Variants in PLPPR1 observed in about 807,000 individuals in gnomAD.
PLPPR1 encodes the protein phospholipid phosphatase-related protein type 1.
PLPPR1 carries 10 observed loss-of-function variants against 33.1 expected under a neutral mutation model. That is an observed-to-expected ratio of 0.30 (90% CI 0.19 to 0.51). PLPPR1 has a LOEUF of 0.51. Ranked by LOEUF, PLPPR1 falls within the 20% of genes least tolerant of loss-of-function variation. PLPPR1 has a pLI of 0.97. For missense variants in PLPPR1, 304 were observed against 408.1 expected, an observed-to-expected ratio of 0.74 and a Z score of 2.20; for synonymous variants, 151 against 151.0, an observed-to-expected ratio of 1.00 and a Z score of 0.00.
chr9:101,073,433 G>T (rs547527311), intron 1 of PLPPR1, among the ~76,000 whole-genome samples: 1 of 151,872 alleles, frequency 6.6e-6, no homozygotes, highest in Non-Finnish European at 1.5e-5. Flanking sequence ...TTCATTAAAA[G>T]TGAACCATCC....
At chr9:101,089,471 A>G (rs1227252869) in intron 1 of PLPPR1, among the ~76,000 whole-genome samples, 1 of 152,232 alleles carries the variant, frequency 6.6e-6, no homozygotes, top group East Asian at 1.9e-4. Context: ...AGATGAAGAT[A>G]GAAATCGCCC....
chr9:101,267,341 A>C (rs868031908), intron 2 of PLPPR1, among the ~76,000 whole-genome samples: 1 of 152,222 alleles, frequency 6.6e-6, no homozygotes, highest in Non-Finnish European at 1.5e-5. Flanking sequence ...TTCAGGAAAC[A>C]TATTTATCCA....
At chr9:101,318,728 C>T (rs1451299014) in intron 7 of PLPPR1, among the ~76,000 whole-genome samples, 1 of 151,832 alleles carries the variant, frequency 6.6e-6, no homozygotes, top group East Asian at 1.9e-4. Context: ...GTGCTGTGAT[C>T]GCGCCACTGC....
At chr9:101,284,438 GATCT>G (rs1828354556) in intron 3 of PLPPR1, among the ~76,000 whole-genome samples, 6 of 152,086 alleles carry the variant, frequency 3.9e-5, no homozygotes, top group Admixed American at 3.3e-4. Flanking sequence ...AAGTTCAAGA[GATCT>G]ATTACACAAT....
rs577304656 is a variant in PLPPR1, at chr9:101,203,828, T to A, written c.63+18271T>A. The stretch of plus-strand genomic sequence containing the variant: ...AATTTTATGGCATTCAGAATGTGAT[T>A]TGCAAATTTTTTTTCTCTTTTTTCC... On this transcript the variant is annotated intron_variant, in intron 2 of 7. Coordinates refer to ENST00000374874, the MANE Select transcript of PLPPR1 (RefSeq NM_207299.2). 1.3e-4 allele frequency among the ~76,000 whole-genome samples: 20 copies of A among 148,958 alleles called. No homozygotes were observed. The South Asian group carries it at 1.5e-3, about 11-fold the overall frequency.
At chr9:101,049,579 G>A (rs1830194328) in intron 1 of PLPPR1, among the ~76,000 whole-genome samples, 1 of 152,150 alleles carries the variant, frequency 6.6e-6, no homozygotes, top group Non-Finnish European at 1.5e-5. Flanking sequence ...TGAGAAAACT[G>A]AAGCAGACAG....
chr9:101,109,758 T>G (rs1831028205), intron 1 of PLPPR1, among the ~76,000 whole-genome samples: 3 of 152,214 alleles, frequency 2.0e-5, no homozygotes, highest in Admixed American at 2.0e-4. Flanking sequence ...GGTATATTCC[T>G]TTTTTCTTTT....
Position 101,317,616 on chromosome 9 carries a change from T to C in PLPPR1, c.945+120T>C, listed in dbSNP as rs7048636. 558 of 1,025,714 alleles carry C rather than the reference T, an allele frequency of 5.4e-4. 3 individuals are homozygous for C. The African/African-American group carries it at 8.0e-3, about 15-fold the overall frequency. 63.5% of individuals were successfully genotyped at this position (1,025,714 alleles called of 1,614,324 possible). ...CAATGAGAATCTGATTAATTTATTG[T>C]AAAGGCCCTCACAAAAGGCAGCCTT... On this transcript the variant is annotated intron_variant, in intron 7 of 7. Coordinates refer to ENST00000374874, the MANE Select transcript of PLPPR1 (RefSeq NM_207299.2).
At chr9:101,126,986 C>T (rs1831253142) in intron 1 of PLPPR1, among the ~76,000 whole-genome samples, 1 of 152,102 alleles carries the variant, frequency 6.6e-6, no homozygotes, top group South Asian at 2.1e-4. Flanking sequence ...CTCCATAGTC[C>T]CTTGCTCTGG....
chr9:101,085,595 G>A (rs1564140543), intron 1 of PLPPR1, among the ~76,000 whole-genome samples: 1 of 152,134 alleles, frequency 6.6e-6, no homozygotes, highest in Non-Finnish European at 1.5e-5. Flanking sequence ...AGGAATAGAG[G>A]GGGAAAAAGC....
chr9:101,188,200 T>G (rs1826235972), intron 2 of PLPPR1, among the ~76,000 whole-genome samples: 1 of 152,076 alleles, frequency 6.6e-6, no homozygotes, highest in South Asian at 2.1e-4. Context: ...GTCATAAATG[T>G]TTTTGCAGAA....
intron 4 of PLPPR1, among the ~76,000 whole-genome samples, chr9:101,303,839 G>A (rs1342297122): frequency 6.6e-6 from 1 of 152,076 alleles, no homozygotes; most frequent in Non-Finnish European, 1.5e-5. Flanking sequence ...ATGTGCCCAC[G>A]TGTTAATACT....
At chr9:101,202,380 T>C (rs1485055912) in intron 2 of PLPPR1, among the ~76,000 whole-genome samples, 1 of 152,240 alleles carries the variant, frequency 6.6e-6, no homozygotes, top group African/African-American at 2.4e-5. Context: ...AAATATTTTG[T>C]CTTCTCTTGT....
chr9:101,128,299 A>C (rs1831271470), intron 1 of PLPPR1, among the ~76,000 whole-genome samples: 1 of 152,204 alleles, frequency 6.6e-6, no homozygotes, highest in South Asian at 2.1e-4. Context: ...GATTCTTCCC[A>C]ATGTATCTTT....
intron 1 of PLPPR1, among the ~76,000 whole-genome samples, chr9:101,176,715 A>G (rs1407599414): frequency 6.6e-6 from 1 of 152,210 alleles, no homozygotes; most frequent in Non-Finnish European, 1.5e-5. Context: ...ACAAAGTGAC[A>G]TTCCGCCTCT....
intron 1 of PLPPR1, among the ~76,000 whole-genome samples, chr9:101,103,201 T>C (rs1004282720): frequency 1.5e-5 from 2 of 133,096 alleles, no homozygotes; most frequent in African/African-American, 5.9e-5. Flanking sequence ...TTTTGGTGTT[T>C]TGGACATGAA....
At chr9:101,216,999 C>A (rs1196873261) in intron 2 of PLPPR1, among the ~76,000 whole-genome samples, 2 of 152,068 alleles carry the variant, frequency 1.3e-5, no homozygotes, top group Non-Finnish European at 2.9e-5. Flanking sequence ...GTAGGCATTA[C>A]TAAGCAATGA....
chr9:101,100,677 A>G (rs1830886217), intron 1 of PLPPR1, among the ~76,000 whole-genome samples: 1 of 148,994 alleles, frequency 6.7e-6, no homozygotes, highest in Admixed American at 6.8e-5. Context: ...AGTTCATCAG[A>G]AACTATTTAC....
chr9:101,135,741 T>C (rs1182862452), intron 1 of PLPPR1, among the ~76,000 whole-genome samples: 1 of 152,208 alleles, frequency 6.6e-6, no homozygotes, highest in South Asian at 2.1e-4. Context: ...GCAGGAGTCC[T>C]TTCTTGATAA....
Sources: gnomAD v4.1 joint callset for allele counts (sites outside exome capture counted in the v4.1 genomes callset) on GRCh38, gnomAD v4.1.1 for gene constraint, MANE v1.5 for transcripts, NCBI Gene and HGNC (gene_info 2026-07-23, HGNC 2026-07-21) for gene names.